Variants in KLRG1 observed in about 807,000 individuals in gnomAD.
KLRG1 encodes killer cell lectin like receptor G1.
KLRG1 carries 16 observed loss-of-function variants against 21.8 expected under a neutral mutation model. The observed-to-expected ratio is 0.73, with a 90% confidence interval of 0.50 to 1.11. The LOEUF is 1.11. Ranked by LOEUF, KLRG1 falls within the 50% of genes most tolerant of loss-of-function variation. The probability of loss-of-function intolerance (pLI) is 0.00; values close to 1 mark genes in which losing one functional copy is unlikely to be tolerated. For missense variants in KLRG1, 173 were observed against 218.3 expected, an observed-to-expected ratio of 0.79 and a Z score of 1.31; for synonymous variants, 69 against 75.9, an observed-to-expected ratio of 0.91 and a Z score of 0.47.
the KLRG1 span, among the ~76,000 whole-genome samples, chr12:9,024,153 G>A: frequency 6.8e-6 from 1 of 146,482 alleles, no homozygotes; most frequent in East Asian, 2.0e-4. Flanking sequence ...TTATCCTCCT[G>A]AGTAGCTGGG....
At chr12:9,090,203 G>T in the KLRG1 span, among the ~76,000 whole-genome samples, 1 of 152,172 alleles carries the variant, frequency 6.6e-6, no homozygotes, top group African/African-American at 2.4e-5. Context: ...AGATGTTGAG[G>T]ATATCCTTGT....
At chr12:9,209,762 T>C in the KLRG1 span, among the ~76,000 whole-genome samples, 1 of 152,160 alleles carries the variant, frequency 6.6e-6, no homozygotes, top group African/African-American at 2.4e-5. Flanking sequence ...TTTTAATCCA[T>C]ATTTATGTAA....
In KLRG1 at chr12:8,980,766, T is replaced by C. The variant is rs764906584; in HGVS notation, c.-155-11440T>C. On this transcript the variant is annotated intron_variant, in intron 1 of 4. Transcript: ENST00000539240. The stretch of plus-strand genomic sequence containing the variant: ...GCAGTGTGAGTTCTGGGCAGCTCCA[T>C]CGGCTGGTGTCAGCATTCTTGAAGA... Among the ~76,000 whole-genome samples, 1,028 of 152,276 alleles carry C rather than the reference T, an allele frequency of 6.8e-3. 20 individuals are homozygous for C. The highest frequency in any genetic ancestry group is 0.023 in the African/African-American group (974 of 41,550).
At chr12:9,115,503 A>G in the KLRG1 span, 2 of 361,306 alleles carry the variant, frequency 5.5e-6, no homozygotes, top group South Asian at 6.0e-5. Flanking sequence ...GAATGTGAAT[A>G]TCTAAAATTT....
At chr12:8,963,586 T>C (rs1052101909) in intron 1 of KLRG1, among the ~76,000 whole-genome samples, 6 of 152,208 alleles carry the variant, frequency 3.9e-5, no homozygotes, top group African/African-American at 1.4e-4. Flanking sequence ...TTTCTGTTGA[T>C]TGGAATAGTT....
chr12:9,093,503 G>T, the KLRG1 span: 1 of 1,613,928 alleles, frequency 6.2e-7, no homozygotes, highest in African/African-American at 1.3e-5. Context: ...TCTCAGGGAA[G>T]TACTTTCGTA....
chr12:9,105,989 A>G, the KLRG1 span, among the ~76,000 whole-genome samples: 4 of 152,054 alleles, frequency 2.6e-5, no homozygotes, highest in African/African-American at 7.2e-5. Flanking sequence ...AGGGGGGAAA[A>G]CTCTACTAAT....
chr12:9,057,552 T>C, the KLRG1 span: 2 of 152,602 alleles, frequency 1.3e-5, no homozygotes, highest in African/African-American at 4.8e-5. Context: ...TTGGCTTTTA[T>C]TTTATTTTTC....
At position 9,009,573 on chromosome 12, in the gene KLRG1, A is replaced by G; in HGVS notation, c.*36A>G. The G allele has an allele frequency of 5.0e-6, 8 of 1,607,254 alleles. No homozygotes were observed. The highest frequency in any genetic ancestry group is 1.7e-5 in the Admixed American group (1 of 59,216). Reference sequence around the variant, plus strand: ...CTCTGTCCTGACCCTCAGATCTGTCATGTATCCCTAAAAGGAGGGAGCTGG... The same window carrying G: ...CTCTGTCCTGACCCTCAGATCTGTCGTGTATCCCTAAAAGGAGGGAGCTGG... On this transcript the variant is annotated 3_prime_UTR_variant, in exon 5 of 5. Transcript: ENST00000356986.
the KLRG1 span, chr12:9,182,201 T>C: frequency 3.0e-6 from 2 of 662,148 alleles, no homozygotes; most frequent in Non-Finnish European, 4.2e-6. Flanking sequence ...CACTATTGCT[T>C]GGTCTTATCC....
At chr12:9,051,061 T>C in the KLRG1 span, among the ~76,000 whole-genome samples, 6 of 152,038 alleles carry the variant, frequency 3.9e-5, no homozygotes, top group African/African-American at 1.4e-4. Flanking sequence ...CCAACTGGAG[T>C]GGGGACTTGT....
the KLRG1 span, among the ~76,000 whole-genome samples, chr12:9,025,742 CT>C: frequency 6.6e-6 from 1 of 152,104 alleles, no homozygotes; most frequent in African/African-American, 2.4e-5. Flanking sequence ...AAGAAGTAAC[CT>C]TGGGTAGAAA....
the KLRG1 span, among the ~76,000 whole-genome samples, chr12:9,022,941 GCCC>G: frequency 2.0e-5 from 3 of 152,200 alleles, no homozygotes; most frequent in African/African-American, 7.2e-5. Context: ...GAAAATCTGT[GCCC>G]CTTCTCACAT....
the KLRG1 span, chr12:9,166,205 A>G: frequency 6.2e-7 from 1 of 1,608,234 alleles, no homozygotes; most frequent in Non-Finnish European, 8.5e-7. Flanking sequence ...TAGACCTGCT[A>G]AAGTAAGAGA....
the KLRG1 span, chr12:9,099,418 G>A: frequency 6.3e-7 from 1 of 1,575,860 alleles, no homozygotes; most frequent in Non-Finnish European, 8.6e-7. Flanking sequence ...ATATTTTGCA[G>A]AATCCCCAAT....
intron 3 of KLRG1, among the ~76,000 whole-genome samples, chr12:8,997,682 G>T (rs903557064): frequency 1.4e-4 from 22 of 152,170 alleles, no homozygotes; most frequent in African/African-American, 3.9e-4. Context: ...CTTACGTAGA[G>T]TTCACCTCCT....
intron 1 of KLRG1, among the ~76,000 whole-genome samples, chr12:8,971,991 C>T: frequency 6.6e-6 from 1 of 152,180 alleles, no homozygotes; most frequent in Non-Finnish European, 1.5e-5. Flanking sequence ...CTTTGCAGTG[C>T]AGAAGCTTTT....
At chr12:9,038,903 C>CAA in the KLRG1 span, among the ~76,000 whole-genome samples, 2,192 of 136,794 alleles carry the variant, frequency 0.016, 45 homozygotes, top group African/African-American at 0.048. Flanking sequence ...GACTCTGTCT[C>CAA]AAAAAAAAAA....
chr12:9,098,418 A>G, the KLRG1 span: 1 of 341,836 alleles, frequency 2.9e-6, no homozygotes, highest in South Asian at 1.3e-4. Context: ...TTTTAACTGC[A>G]GAAGTGAGTA....
Sources: allele counts gnomAD v4.1 joint callset (sites outside exome capture counted in the v4.1 genomes callset), GRCh38; gene constraint gnomAD v4.1.1; transcripts MANE v1.5; gene names NCBI Gene and HGNC (gene_info 2026-07-23, HGNC 2026-07-21).